SP8: variants seen among roughly 807,000 people sequenced by gnomAD.
SP8 encodes the protein Sp8 transcription factor, also known as transcription factor Sp8.
A neutral mutation model predicts 15.3 loss-of-function variants in SP8; 7 were observed. The observed-to-expected ratio is 0.46, with a 90% CI of 0.26 to 0.86. The LOEUF (loss-of-function observed/expected upper bound fraction) is 0.86. Among genes scored for constraint, SP8 ranks in the 40% least tolerant of loss-of-function variants. The pLI is 0.16. For synonymous variants in SP8, 415 were observed against 356.3 expected (o/e 1.16, Z -1.86); for missense variants, 731 against 736.4 (o/e 0.99, Z 0.09).
Position 20,784,633 on chromosome 7 carries a change from A to T in SP8, c.1184T>A (p.Leu395Gln). Reference protein sequence around the residue: ...YGKTSHLKAHLRWHTGERPFV... With the variant: ...YGKTSHLKAHQRWHTGERPFV... ...GGGCCGCTCGCCCGTGTGCCAGCGCAGGTGCGCCTTGAGGTGCGAAGTCTT... is the reference window on the plus strand; with the variant it reads ...GGGCCGCTCGCCCGTGTGCCAGCGCTGGTGCGCCTTGAGGTGCGAAGTCTT... Residue 395 changes from leucine to glutamine, a missense_variant, in exon 2 of 2, where the codon CTG (leucine) becomes CAG (glutamine). By Grantham distance (113) the Leu-to-Gln change is moderately radical. This residue lies in a region of SP8 where 31 missense variants were observed against 99.6 expected (regional missense o/e 0.31). Coordinates refer to ENST00000418710, the MANE Select transcript of SP8 (RefSeq NM_182700.6). 1 of 1,610,454 alleles carries T rather than the reference A, an allele frequency of 6.2e-7. No individual in the cohort carries two copies. Among genetic ancestry groups the T allele is most frequent in the Non-Finnish European group, 8.5e-7 (1 of 1,179,206 alleles).
Position 20,784,562 on chromosome 7 carries a change from C to G in SP8, c.1255G>C (p.Asp419His). 6.3e-7 allele frequency: 1 copy of G among 1,598,654 alleles called. No individual in the cohort carries two copies. Among genetic ancestry groups the G allele is most frequent in the Non-Finnish European group, 8.5e-7 (1 of 1,174,104 alleles). ...GTCCGCAGGTGCCGCTGCAGCTCGT[C>G]GGAGCGCGTGAAGCGCTTGCCGCAG... Reference protein sequence around the residue: ...LFCGKRFTRSDELQRHLRTHT... With the variant: ...LFCGKRFTRSHELQRHLRTHT... Residue 419 changes from aspartate to histidine, a missense_variant, in exon 2 of 2, where the codon GAC (aspartate) becomes CAC (histidine). By Grantham distance (81) the Asp-to-His change is moderately conservative (BLOSUM62 -1). Coordinates refer to ENST00000418710, the MANE Select transcript of SP8 (RefSeq NM_182700.6).
chr7:20,784,869 C>G lies in SP8; in HGVS notation c.948G>C (p.Pro316=). Reference sequence around the variant, plus strand: ...ACATGGAGCCCCCCGCGCCGGCCAGCGGCGACGGGGCCGAGTCCGGGTAGG... The same window carrying G: ...ACATGGAGCCCCCCGCGCCGGCCAGGGGCGACGGGGCCGAGTCCGGGTAGG... ...PGSYPDSAPS[P]LAGAGGSMLS... is the part of the protein sequence containing the mutation. The change falls in exon 2 of 2, where the codon CCG becomes CCC. Residue 316 remains proline (P), a synonymous_variant. Coordinates refer to ENST00000418710, the MANE Select transcript of SP8 (RefSeq NM_182700.6). The G allele has an allele frequency of 6.6e-7, 1 of 1,525,912 alleles. No homozygotes were observed. Among genetic ancestry groups the G allele is most frequent in the Non-Finnish European group, 8.7e-7 (1 of 1,143,018 alleles). The allele number at this position is 1,525,912 out of a possible 1,614,324, so 94.5% of individuals were successfully genotyped here.
Position 20,784,384 on chromosome 7 carries a change from G to A in SP8, c.1433C>T (p.Thr478Ile), listed in dbSNP as rs1783595819. 3 of 1,526,956 alleles carry A rather than the reference G, an allele frequency of 2.0e-6. No homozygotes were observed. Among genetic ancestry groups the A allele is most frequent in the African/African-American group, 2.8e-5 (2 of 71,620 alleles). 94.6% of individuals were successfully genotyped at this position (1,526,956 alleles called of 1,614,324 possible). A position where few individuals can be genotyped will look rare whatever the true frequency, so the allele number is the denominator to read the frequency against. ...GCCCGCGGCGCTGTGCTCGCTGTCG[G>A]TGTCGCTGCCCTTCTTGCCGCCGCT... Reference protein sequence around the residue: ...SGSGGKKGSDTDSEHSAAGSP... With the variant: ...SGSGGKKGSDIDSEHSAAGSP... Residue 478 changes from threonine (T) to isoleucine (I), a missense_variant, in exon 2 of 2, where the codon ACC (threonine) becomes ATC (isoleucine). By Grantham distance (89) the Thr-to-Ile change is moderately conservative. Transcript: ENST00000418710.
Position 20,784,818 on chromosome 7 carries a change from C to G in SP8, c.999G>C (p.Leu333=). The G allele has an allele frequency of 6.5e-7, 1 of 1,526,810 alleles. No homozygotes were observed. Among genetic ancestry groups the G allele is most frequent in the Non-Finnish European group, 8.7e-7 (1 of 1,143,588 alleles). The allele number at this position is 1,526,810 out of a possible 1,614,324, so 94.6% of individuals were successfully genotyped here. Residue 333 remains leucine (L), a synonymous_variant, in exon 2 of 2, where the codon CTG becomes CTC. Coordinates refer to ENST00000418710, the MANE Select transcript of SP8 (RefSeq NM_182700.6). ...GAGCTGAGGAGCGCGGGGAGCCCCC[C>G]AGCGGCGCCGAAGGCCCAGCGCTCA... ...SMLSAGPSAP[L]GGSPRSSARR...
chr7:20,784,434 G>A lies in SP8; in HGVS notation c.1383C>T (p.Gly461=), dbSNP rs1172216176. 4.6e-6 allele frequency: 7 copies of A among 1,534,760 alleles called. No homozygotes were observed. The highest frequency in any genetic ancestry group is 1.2e-5 in the South Asian group (1 of 83,172). ...KHVKTHSGGG[G]GGGSAGSGSG... Reference sequence around the variant, plus strand: ...TGCCCGAGCCCGCCGAGCCGCCGCCGCCGCCGCCGCCACTGTGCGTCTTCA... The same window carrying A: ...TGCCCGAGCCCGCCGAGCCGCCGCCACCGCCGCCGCCACTGTGCGTCTTCA... The change falls in exon 2 of 2, where the codon GGC becomes GGT. Residue 461 remains glycine, a synonymous_variant. Coordinates refer to ENST00000418710, the MANE Select transcript of SP8 (RefSeq NM_182700.6).
rs749265475 is a variant in SP8, at chr7:20,785,598, G to C, written c.219C>G (p.Gly73=). 15 of 1,444,200 alleles carry C rather than the reference G, an allele frequency of 1.0e-5. No homozygotes were observed. The highest frequency in any genetic ancestry group is 1.4e-5 in the Non-Finnish European group (15 of 1,074,354). The allele number at this position is 1,444,200 out of a possible 1,614,324, so 89.5% of individuals were successfully genotyped here. Residue 73 remains glycine, a synonymous_variant, in exon 2 of 2, where the codon GGC becomes GGG. Coordinates refer to ENST00000418710, the MANE Select transcript of SP8 (RefSeq NM_182700.6). The surrounding 1 kb of genome is among the most constrained non-coding windows in gnomAD (Gnocchi z 7.2). ...NVVGSSLSSF[G]VSGASRNGGS... is the part of the protein sequence containing the mutation. The stretch of plus-strand genomic sequence containing the variant: ...CGCCGTTCCTGGAGGCCCCGGACAC[G>C]CCGAAGCTTGAGAGACTGGAACCCA...
chr7:20,785,424 T>TGCG lies in SP8; in HGVS notation c.390_392dup (p.Ala134dup), dbSNP rs770823639. On this transcript the variant is annotated inframe_insertion, in exon 2 of 2. Coordinates refer to ENST00000418710, the MANE Select transcript of SP8 (RefSeq NM_182700.6). The surrounding 1 kb of genome is among the most constrained non-coding windows in gnomAD (Gnocchi z 7.2). ...CGAAGGGCGAGCTGGAGGCGGCGGC[T>TGCG]GCGGCGGCGGCGGCGGCGGCTGCGG... 13,223 of 1,167,152 alleles carry TGCG rather than the reference T, an allele frequency of 0.011. 60 individuals are homozygous for TGCG. Among genetic ancestry groups the TGCG allele is most frequent in the Non-Finnish European group, 0.013 (12,209 of 933,254 alleles). 72.3% of individuals were successfully genotyped at this position (1,167,152 alleles called of 1,614,324 possible).
In SP8 at chr7:20,784,139, CAGAA is replaced by C. The variant is rs1783584353; in HGVS notation, c.*147_*150del. ...ATATCCCCTTTACAAAGTTAAGTCA[CAGAA>C]GGAAGAAGGAAGAGGGGCAGAAACA... On this transcript the variant is annotated 3_prime_UTR_variant, in exon 2 of 2. Coordinates refer to ENST00000418710, the MANE Select transcript of SP8 (RefSeq NM_182700.6). The C allele has an allele frequency of 8.5e-6, 6 of 703,282 alleles. No homozygotes were observed. Among genetic ancestry groups the C allele is most frequent in the Non-Finnish European group, 1.3e-5 (6 of 475,450 alleles). The allele number at this position is 703,282 out of a possible 1,614,324, so 43.6% of individuals were successfully genotyped here. A position where few individuals can be genotyped will look rare whatever the true frequency, so the allele number is the denominator to read the frequency against.
chr7:20,785,849 T>TG lies in SP8; in HGVS notation c.22-55dup, dbSNP rs2128063999. 13 of 1,443,908 alleles carry TG rather than the reference T, an allele frequency of 9.0e-6. No individual in the cohort carries two copies. The highest frequency in any genetic ancestry group is 4.8e-5 in the East Asian group (2 of 41,354). The allele number at this position is 1,443,908 out of a possible 1,614,324, so 89.4% of individuals were successfully genotyped here. A position where few individuals can be genotyped will look rare whatever the true frequency, so the allele number is the denominator to read the frequency against. Reference sequence around the variant, plus strand: ...GGAGGGGAGGTGGGCAAAGGGCCGGTGGGGGAGGAAAGGAAGAAATGTGCA... The same window carrying TG: ...GGAGGGGAGGTGGGCAAAGGGCCGGTGGGGGGAGGAAAGGAAGAAATGTGCA... On this transcript the variant is annotated intron_variant, in intron 1 of 1. Coordinates refer to ENST00000418710, the MANE Select transcript of SP8 (RefSeq NM_182700.6). This position sits in a 1 kb window ranked among gnomAD's most constrained non-coding sequence, Gnocchi z 7.2.
rs1404552811 is a variant in SP8 at position 20,784,274 on chromosome 7, G to T, written c.*16C>A. ...GTGGGAGGAGGTCGGGGAGAGGGGC[G>T]GGCGCAGGGTGGGCGTCACTCTAGG... On this transcript the variant is annotated 3_prime_UTR_variant, in exon 2 of 2. Transcript: ENST00000418710. The T allele has an allele frequency of 6.9e-7, 1 of 1,448,374 alleles. No individual in the cohort carries two copies. Among genetic ancestry groups the T allele is most frequent in the Non-Finnish European group, 9.0e-7 (1 of 1,106,216 alleles). The allele number at this position is 1,448,374 out of a possible 1,614,324, so 89.7% of individuals were successfully genotyped here.
Position 20,786,677 on chromosome 7 carries a change from G to T in SP8, c.21+101C>A. On this transcript the variant is annotated intron_variant, in intron 1 of 1. Coordinates refer to ENST00000418710, the MANE Select transcript of SP8 (RefSeq NM_182700.6). This position sits in a 1 kb window ranked among gnomAD's most constrained non-coding sequence, Gnocchi z 4.4. ...AAAAAAAAAAAAAGCTCTCAATAGA[G>T]AGACTGATAGCCCGTGGCCTGGCCG... The T allele has an allele frequency of 1.1e-6, 1 of 943,438 alleles. No individual in the cohort carries two copies. The highest frequency in any genetic ancestry group is 1.7e-6 in the Non-Finnish European group (1 of 572,716). 58.4% of individuals were successfully genotyped at this position (943,438 alleles called of 1,614,324 possible).
rs59712697 is a variant in SP8 at position 20,783,658 on chromosome 7, C to CG, written c.*631dup. On this transcript the variant is annotated 3_prime_UTR_variant, in exon 2 of 2. Coordinates refer to ENST00000418710, the MANE Select transcript of SP8 (RefSeq NM_182700.6). ...TCTAAACTCTACAAACTCTGGGTCT[C>CG]GGGCTGCCAAAAGTCACCCCCACCA... 1 allele frequency: 152,362 copies of CG among 152,364 alleles called. 76,180 individuals are homozygous for CG. The highest frequency in any genetic ancestry group is 1 in the Middle Eastern group (294 of 294). The allele number at this position is 152,364 out of a possible 1,614,324, so 9.4% of individuals were successfully genotyped here.
rs779636561 is a variant in SP8, at chr7:20,785,597, C to A, written c.220G>T (p.Val74Leu). Reference protein sequence around the residue: ...VVGSSLSSFGVSGASRNGGSS... With the variant: ...VVGSSLSSFGLSGASRNGGSS... Reference sequence around the variant, plus strand: ...CCGCCGTTCCTGGAGGCCCCGGACACGCCGAAGCTTGAGAGACTGGAACCC... The same window carrying A: ...CCGCCGTTCCTGGAGGCCCCGGACAAGCCGAAGCTTGAGAGACTGGAACCC... The change falls in exon 2 of 2, where the codon GTG becomes TTG. Residue 74 changes from valine (V) to leucine (L), a missense_variant. Coordinates refer to ENST00000418710, the MANE Select transcript of SP8 (RefSeq NM_182700.6). This position sits in a 1 kb window ranked among gnomAD's most constrained non-coding sequence, Gnocchi z 7.2. The A allele has an allele frequency of 4.3e-6, 7 of 1,612,080 alleles. No homozygotes were observed. The highest frequency in any genetic ancestry group is 5.9e-6 in the Non-Finnish European group (7 of 1,179,552).
chr7:20,785,835 G>T lies in SP8; in HGVS notation c.22-40C>A. ...GGAGAAGGAGTGGGGGAGGGGAGGT[G>T]GGCAAAGGGCCGGTGGGGGAGGAAA... On this transcript the variant is annotated intron_variant, in intron 1 of 1. Transcript: ENST00000418710. This position sits in a 1 kb window ranked among gnomAD's most constrained non-coding sequence, Gnocchi z 7.2. The T allele has an allele frequency of 6.4e-7, 1 of 1,568,922 alleles. No homozygotes were observed. The highest frequency in any genetic ancestry group is 1.1e-5 in the South Asian group (1 of 88,634).
Position 20,785,484 on chromosome 7 carries a change from A to T in SP8, c.333T>A (p.Pro111=). 1.6e-6 allele frequency: 2 copies of T among 1,235,092 alleles called. No individual in the cohort carries two copies. Among genetic ancestry groups the T allele is most frequent in the Non-Finnish European group, 2.0e-6 (2 of 979,982 alleles). 76.5% of individuals were successfully genotyped at this position (1,235,092 alleles called of 1,614,324 possible). ...VSDSFSCGGS[P]GSSAFSLTSS... ...AGGTGAGGGAGAAGGCGCTGGAGCC[A>T]GGCGAGCCGCCGCAGCTGAACGAGT... The change falls in exon 2 of 2, where the codon CCT becomes CCA. Residue 111 remains proline, a synonymous_variant. Transcript: ENST00000418710. The surrounding 1 kb of genome is among the most constrained non-coding windows in gnomAD (Gnocchi z 7.2).
In SP8 at chr7:20,786,617, C is replaced by G. The variant is rs1468304498; in HGVS notation, c.21+161G>C. ...AAAGTGACTCTGCCCCCTTCTCCCC[C>G]TTTTTCTTTTCTCCAAACTCACTTG... On this transcript the variant is annotated intron_variant, in intron 1 of 1. Coordinates refer to ENST00000418710, the MANE Select transcript of SP8 (RefSeq NM_182700.6). The surrounding 1 kb of genome is among the most constrained non-coding windows in gnomAD (Gnocchi z 4.4). Among the ~76,000 whole-genome samples the G allele has an allele frequency of 6.6e-6, 1 of 151,766 alleles. No homozygotes were observed. Among genetic ancestry groups the G allele is most frequent in the Non-Finnish European group, 1.5e-5 (1 of 67,952 alleles).
chr7:20,782,758 T>C lies in SP8; in HGVS notation c.*1532A>G, dbSNP rs1040522046. The C allele has an allele frequency of 3.9e-5, 6 of 152,732 alleles. No homozygotes were observed. The highest frequency in any genetic ancestry group is 2.1e-4 in the South Asian group (1 of 4,826). The allele number at this position is 152,732 out of a possible 1,614,324, so 9.5% of individuals were successfully genotyped here. A position where few individuals can be genotyped will look rare whatever the true frequency, so the allele number is the denominator to read the frequency against. On this transcript the variant is annotated 3_prime_UTR_variant, in exon 2 of 2. Transcript: ENST00000418710. ...GCAAAACTAGGCCCCGAAAGTGCGT[T>C]TGTGGCTCTGCACCTCCAGAAGTGA...
rs537668857 is a variant in SP8 at position 20,784,297 on chromosome 7, A to G, written c.1520T>C (p.Leu507Pro). 12 of 1,491,716 alleles carry G rather than the reference A, an allele frequency of 8.0e-6. No homozygotes were observed. The South Asian group carries it at 1.3e-4, about 16-fold the overall frequency. The allele number at this position is 1,491,716 out of a possible 1,614,324, so 92.4% of individuals were successfully genotyped here. A position where few individuals can be genotyped will look rare whatever the true frequency, so the allele number is the denominator to read the frequency against. ...QPPEPGHRNG[L>P]E ...GCGGGCGCAGGGTGGGCGTCACTCTAGGCCGTTGCGGTGCCCGGGCTCGGG... is the reference window on the plus strand; with the variant it reads ...GCGGGCGCAGGGTGGGCGTCACTCTGGGCCGTTGCGGTGCCCGGGCTCGGG... Residue 507 changes from leucine (L) to proline (P), a missense_variant, in exon 2 of 2, where the codon CTA (leucine) becomes CCA (proline). By Grantham distance (98) the Leu-to-Pro change is moderately conservative. Around this residue, in one of 3 missense-constraint regions of SP8, gnomAD observed 114 missense variants for 111.9 expected, o/e 1.02. Coordinates refer to ENST00000418710, the MANE Select transcript of SP8 (RefSeq NM_182700.6).
Position 20,785,377 on chromosome 7 carries a change from T to G in SP8, c.440A>C (p.Gln147Pro). Reference sequence around the variant, plus strand: ...GCTGCCCCCGGAAACTCCGGGGGCCTGGAAAACAGAGTAGTCGTTGGCGAA... The same window carrying G: ...GCTGCCCCCGGAAACTCCGGGGGCCGGGAAAACAGAGTAGTCGTTGGCGAA... ...SPFANDYSVF[Q>P]APGVSGGSGG... The change falls in exon 2 of 2, where the codon CAG becomes CCG. Residue 147 changes from glutamine to proline, a missense_variant. Transcript: ENST00000418710. This position sits in a 1 kb window ranked among gnomAD's most constrained non-coding sequence, Gnocchi z 7.2. 1 of 1,390,460 alleles carries G rather than the reference T, an allele frequency of 7.2e-7. No homozygotes were observed. Among genetic ancestry groups the G allele is most frequent in the Admixed American group, 2.7e-5 (1 of 37,016 alleles). The allele number at this position is 1,390,460 out of a possible 1,614,324, so 86.1% of individuals were successfully genotyped here.
Sources: allele counts gnomAD v4.1 joint callset (sites outside exome capture counted in the v4.1 genomes callset), GRCh38; gene constraint gnomAD v4.1.1; regional missense constraint gnomAD v4.1.1; non-coding constraint Gnocchi (gnomAD v3.1); transcripts MANE v1.5; gene names NCBI Gene and HGNC (gene_info 2026-07-23, HGNC 2026-07-21).